MAK16: variants seen among roughly 807,000 people sequenced by gnomAD.
The protein encoded by MAK16 is MAK16 homolog.
Under a neutral mutation model 49.9 loss-of-function variants are expected in MAK16, and 12 were observed. The ratio of observed to expected loss-of-function variants is 0.24; its 90% CI spans 0.15 to 0.39. MAK16 has a LOEUF of 0.39. Ranked by LOEUF, MAK16 falls within the 10% of genes least tolerant of loss-of-function variation. MAK16 has a pLI of 1.00. For missense variants in MAK16, 292 were observed against 363.7 expected (o/e 0.80, Z 1.60); for synonymous variants, 115 against 126.4 (o/e 0.91, Z 0.60).
intron 6 of MAK16, among the ~76,000 whole-genome samples, chr8:33,492,231 C>T (rs771579462): frequency 2.0e-5 from 3 of 151,632 alleles, no homozygotes; most frequent in African/African-American, 4.8e-5. Flanking sequence ...AGGCTGGTCT[C>T]GAACTCCTGA....
At position 33,498,687 on chromosome 8, in the gene MAK16, T is replaced by A; in HGVS notation, c.*58T>A. 6.7e-7 allele frequency: 1 copy of A among 1,495,366 alleles called. No homozygotes were observed. The allele number at this position is 1,495,366 out of a possible 1,614,324, so 92.6% of individuals were successfully genotyped here. ...CATGCAGAACTGTTTTTTTTTTTTT[T>A]TTATCTTAAACACATACACACCTCC... On this transcript the variant is annotated 3_prime_UTR_variant, in exon 10 of 10. Transcript: ENST00000360128.
intron 9 of MAK16, 49 bp from the exon 10 acceptor site, chr8:33,498,383 G>T (rs1202952605): frequency 6.4e-7 from 1 of 1,554,542 alleles, no homozygotes; most frequent in East Asian, 2.3e-5. Context: ...GGAGTTTGGA[G>T]AAATCTAGTG....
Position 33,490,319 on chromosome 8 carries a change from C to T in MAK16, c.427C>T (p.Arg143Cys), listed in dbSNP as rs200891602. The T allele has an allele frequency of 1.1e-4, 171 of 1,612,702 alleles. No individual in the cohort carries two copies. Among genetic ancestry groups the T allele is most frequent in the Non-Finnish European group, 1.4e-4 (160 of 1,178,970 alleles). The change falls in exon 6 of 10, where the codon CGT (arginine) becomes TGT (cysteine). Residue 143 changes from arginine to cysteine, a missense_variant. Transcript: ENST00000360128. ...TGTTCCTTTGAGTAAGAAGGTGGAGCGTAGGGAGAAAAGAAGAGAGGTAAC... is the reference window on the plus strand; with the variant it reads ...TGTTCCTTTGAGTAAGAAGGTGGAGTGTAGGGAGAAAAGAAGAGAGGTAAC... ...KLVPLSKKVE[R>C]REKRREEKAL...
Position 33,499,323 on chromosome 8 carries a change from T to A in MAK16, c.*694T>A. The stretch of plus-strand genomic sequence containing the variant: ...GGCTTTGATATTTTTTTTTTTTTAA[T>A]TACTTTCCCCTTTTGCTTGATTCTT... On this transcript the variant is annotated 3_prime_UTR_variant, in exon 10 of 10. Coordinates refer to ENST00000360128, the MANE Select transcript of MAK16 (RefSeq NM_032509.4). 7.5e-7 allele frequency: 1 copy of A among 1,334,846 alleles called. No homozygotes were observed. Among genetic ancestry groups the A allele is most frequent in the Non-Finnish European group, 1.1e-6 (1 of 929,388 alleles). 82.7% of individuals were successfully genotyped at this position (1,334,846 alleles called of 1,614,324 possible).
rs375003153 is a variant in MAK16 at position 33,499,199 on chromosome 8, C to T, written c.*570C>T. On this transcript the variant is annotated 3_prime_UTR_variant, in exon 10 of 10. Coordinates refer to ENST00000360128, the MANE Select transcript of MAK16 (RefSeq NM_032509.4). ...TAAGTTCCATTGTAGGGTGCGCCTTCAGAAACCTGCTGCACTTTTCTGATA... is the reference window on the plus strand; with the variant it reads ...TAAGTTCCATTGTAGGGTGCGCCTTTAGAAACCTGCTGCACTTTTCTGATA... 11 of 1,613,984 alleles carry T rather than the reference C, an allele frequency of 6.8e-6. No individual in the cohort carries two copies. The highest frequency in any genetic ancestry group is 8.5e-6 in the Non-Finnish European group (10 of 1,180,004).
intron 6 of MAK16, among the ~76,000 whole-genome samples, chr8:33,494,046 T>C (rs1808817873): frequency 6.6e-6 from 1 of 152,176 alleles, no homozygotes. Flanking sequence ...ATTGGCAAAT[T>C]TGGAATATTT....
At chr8:33,494,134 C>T (rs28394581) in intron 6 of MAK16, among the ~76,000 whole-genome samples, 8,399 of 152,172 alleles carry the variant, frequency 0.055, 394 homozygotes, top group African/African-American at 0.13. Context: ...AGTGCAGTGG[C>T]GCCATCTCGG....
intron 9 of MAK16, 40 bp from the exon 10 acceptor site, chr8:33,498,392 T>G (rs762143075): frequency 1.3e-6 from 2 of 1,584,248 alleles, no homozygotes; most frequent in Non-Finnish European, 1.7e-6. Context: ...AGAAATCTAG[T>G]GTTTTCCCTC....
chr8:33,489,288 G>A lies in MAK16; in HGVS notation c.392+149G>A. 1 of 655,818 alleles carries A rather than the reference G, an allele frequency of 1.5e-6. No homozygotes were observed. The allele number at this position is 655,818 out of a possible 1,614,324, so 40.6% of individuals were successfully genotyped here. ...AAGAGAAACTTTAGCTTTGACTAAA[G>A]GTGTGCCCTTTGATATGGCAGGACT... On this transcript the variant is annotated intron_variant, in intron 5 of 9. Coordinates refer to ENST00000360128, the MANE Select transcript of MAK16 (RefSeq NM_032509.4). This position sits in a 1 kb window ranked among gnomAD's most constrained non-coding sequence, Gnocchi z 4.2.
In MAK16 at chr8:33,500,232, A is replaced by C; in HGVS notation, c.*1603A>C. 7.0e-7 allele frequency: 1 copy of C among 1,438,312 alleles called. No individual in the cohort carries two copies. The highest frequency in any genetic ancestry group is 9.7e-7 in the Non-Finnish European group (1 of 1,035,114). 89.1% of individuals were successfully genotyped at this position (1,438,312 alleles called of 1,614,324 possible). ...TAAAACCCTCCATGTTCATTTCCAG[A>C]CTTGGTCAGGCACATACATAGTAAA... On this transcript the variant is annotated 3_prime_UTR_variant, in exon 10 of 10. Coordinates refer to ENST00000360128, the MANE Select transcript of MAK16 (RefSeq NM_032509.4).
At chr8:33,486,333 G>A (rs1192734981) in intron 1 of MAK16, among the ~76,000 whole-genome samples, 1 of 152,092 alleles carries the variant, frequency 6.6e-6, no homozygotes, top group Non-Finnish European at 1.5e-5. Flanking sequence ...CTGGAGGATC[G>A]CTTGAGGCCA....
intron 9 of MAK16, 39 bp downstream of exon 9, chr8:33,497,336 A>C (rs1808881584): frequency 4.8e-6 from 5 of 1,037,314 alleles, no homozygotes; most frequent in South Asian, 1.5e-5. Flanking sequence ...TTTGGCCTGC[A>C]GCAAAAAAAA....
rs1389681561 is a variant in MAK16, at chr8:33,500,246, A to G, written c.*1617A>G. On this transcript the variant is annotated 3_prime_UTR_variant, in exon 10 of 10. Transcript: ENST00000360128. ...TTCATTTCCAGACTTGGTCAGGCAC[A>G]TACATAGTAAATTATAATCAATCAT... 1.4e-5 allele frequency: 22 copies of G among 1,550,428 alleles called. No homozygotes were observed. Among genetic ancestry groups the G allele is most frequent in the Non-Finnish European group, 1.9e-5 (21 of 1,128,800 alleles).
At position 33,499,264 on chromosome 8, in the gene MAK16, T is replaced by C; in HGVS notation, c.*635T>C. 1 of 1,614,022 alleles carries C rather than the reference T, an allele frequency of 6.2e-7. No homozygotes were observed. The highest frequency in any genetic ancestry group is 8.5e-7 in the Non-Finnish European group (1 of 1,179,932). On this transcript the variant is annotated 3_prime_UTR_variant, in exon 10 of 10. Transcript: ENST00000360128. ...TCTGTCTTCACAGCTTTGGGGAATTTTGGCCAGGAGACCCTGAAACATGAA... is the reference window on the plus strand; with the variant it reads ...TCTGTCTTCACAGCTTTGGGGAATTCTGGCCAGGAGACCCTGAAACATGAA...
intron 6 of MAK16, among the ~76,000 whole-genome samples, chr8:33,494,293 T>G (rs892988400): frequency 2.0e-5 from 3 of 152,204 alleles, no homozygotes; most frequent in Non-Finnish European, 4.4e-5. Flanking sequence ...CAGGCTGGTC[T>G]TGATCTCCTG....
intron 1 of MAK16, 132 bp downstream of exon 1, chr8:33,485,353 C>G: frequency 8.1e-7 from 1 of 1,232,198 alleles, no homozygotes. Context: ...TTCCGGAACC[C>G]CGATTTTCCA....
chr8:33,495,766 G>A, intron 7 of MAK16, 150 bp downstream of exon 7: 1 of 608,744 alleles, frequency 1.6e-6, no homozygotes, highest in Non-Finnish European at 2.7e-6. Context: ...GCCCAGGTTA[G>A]AGTGCAGTGG....
At position 33,485,286 on chromosome 8, in the gene MAK16, A is replaced by C; in HGVS notation, c.15+65A>C. Reference sequence around the variant, plus strand: ...CAGGGAATTTTGCCCATTTTCGGACACTTAGAAAACGCGTACGCAGCGGGT... The same window carrying C: ...CAGGGAATTTTGCCCATTTTCGGACCCTTAGAAAACGCGTACGCAGCGGGT... On this transcript the variant is annotated intron_variant, in intron 1 of 9. Coordinates refer to ENST00000360128, the MANE Select transcript of MAK16 (RefSeq NM_032509.4). 3 of 1,604,294 alleles carry C rather than the reference A, an allele frequency of 1.9e-6. No individual in the cohort carries two copies. The East Asian group carries it at 6.7e-5, about 36-fold the overall frequency.
rs139842383 is a variant in MAK16, at chr8:33,499,193, C to T, written c.*564C>T. On this transcript the variant is annotated 3_prime_UTR_variant, in exon 10 of 10. Transcript: ENST00000360128. ...AAGTCTTAAGTTCCATTGTAGGGTGCGCCTTCAGAAACCTGCTGCACTTTT... is the reference window on the plus strand; with the variant it reads ...AAGTCTTAAGTTCCATTGTAGGGTGTGCCTTCAGAAACCTGCTGCACTTTT... 150 of 1,613,712 alleles carry T rather than the reference C, an allele frequency of 9.3e-5. No homozygotes were observed. Among genetic ancestry groups the T allele is most frequent in the Non-Finnish European group, 1.1e-4 (134 of 1,179,658 alleles).
Sources: gnomAD v4.1 joint callset for allele counts (sites outside exome capture counted in the v4.1 genomes callset) on GRCh38, gnomAD v4.1.1 for gene constraint, Gnocchi (gnomAD v3.1) non-coding constraint, MANE v1.5 for transcripts, NCBI Gene and HGNC (gene_info 2026-07-23, HGNC 2026-07-21) for gene names.